MECOM: variants seen among roughly 807,000 people sequenced by gnomAD.
MECOM encodes the protein MDS1 and EVI1 complex locus.
MECOM carries 13 observed loss-of-function variants against 116.3 expected under a neutral mutation model. The observed-to-expected ratio is 0.11, with a 90% CI of 0.07 to 0.18. MECOM has a LOEUF of 0.18. MECOM is among the 10% of genes least tolerant of loss of function. The pLI is 1.00. For synonymous variants in MECOM, 528 were observed against 535.2 expected (o/e 0.99, Z 0.19); for missense variants, 1,299 against 1,509.0 (o/e 0.86, Z 2.31).
At chr3:169,616,204 C>T (rs1226605816) in intron 1 of MECOM, among the ~76,000 whole-genome samples, 3 of 152,136 alleles carry the variant, frequency 2.0e-5, no homozygotes, top group African/African-American at 4.8e-5. Context: ...TGAACTTGTG[C>T]AAAGGAGGCA....
At chr3:169,266,885 G>GAAGGAAAA (rs1354602591) in intron 2 of MECOM, among the ~76,000 whole-genome samples, 1 of 150,176 alleles carries the variant, frequency 6.7e-6, no homozygotes, top group Non-Finnish European at 1.5e-5. Context: ...GAGAGAGAGA[G>GAAGGAAAA]AAGGAAAAAA....
At chr3:169,413,219 G>A (rs886114516) in intron 1 of MECOM, among the ~76,000 whole-genome samples, 2 of 152,196 alleles carry the variant, frequency 1.3e-5, no homozygotes, top group Non-Finnish European at 2.9e-5. Flanking sequence ...CCGAAGCAGG[G>A]TGAGGCATTG....
rs1346319122 is a variant in MECOM at position 169,486,008 on chromosome 3, A to G, written c.38-104484T>C. 5.0e-3 allele frequency among the ~76,000 whole-genome samples: 183 copies of G among 36,478 alleles called. 3 individuals carry two copies. Among genetic ancestry groups the G allele is most frequent in the Admixed American group, 0.01 (38 of 3,640 alleles). 23.9% of individuals were successfully genotyped at this position (36,478 alleles called of 152,430 possible). ...TAGTATATATATGTATATATATACTATATATATATGTATATATAGTATATA... is the reference window on the plus strand; with the variant it reads ...TAGTATATATATGTATATATATACTGTATATATATGTATATATAGTATATA... On this transcript the variant is annotated intron_variant, in intron 1 of 16. Coordinates refer to ENST00000651503, the MANE Select transcript of MECOM (RefSeq NM_004991.4).
intron 1 of MECOM, among the ~76,000 whole-genome samples, chr3:169,661,650 C>T (rs1193061578): frequency 1.3e-5 from 2 of 152,158 alleles, no homozygotes; most frequent in East Asian, 1.9e-4. Flanking sequence ...GACAGCATCT[C>T]GCGGGGCTAC....
At chr3:169,224,683 T>C (rs1752526186) in intron 2 of MECOM, among the ~76,000 whole-genome samples, 1 of 152,254 alleles carries the variant, frequency 6.6e-6, no homozygotes, top group South Asian at 2.1e-4. Flanking sequence ...TCATTGTTTG[T>C]AGTGTGACTT....
At chr3:169,158,445 C>A (rs921604657) in intron 2 of MECOM, among the ~76,000 whole-genome samples, 3 of 152,210 alleles carry the variant, frequency 2.0e-5, no homozygotes, top group African/African-American at 2.4e-5. Context: ...AATGAATGAG[C>A]CTTTACCCAG....
chr3:169,304,968 A>G (rs1717400744), intron 2 of MECOM, among the ~76,000 whole-genome samples: 1 of 152,236 alleles, frequency 6.6e-6, no homozygotes, highest in Admixed American at 6.5e-5. Flanking sequence ...ATTTGTAACG[A>G]TAAGATCTTT....
chr3:169,149,240 C>G (rs1740728684), intron 2 of MECOM, among the ~76,000 whole-genome samples: 1 of 152,108 alleles, frequency 6.6e-6, no homozygotes, highest in African/African-American at 2.4e-5. Flanking sequence ...GCGGCCTGAT[C>G]AGGGGGTCTG....
At chr3:169,349,937 C>T (rs952730024) in intron 2 of MECOM, among the ~76,000 whole-genome samples, 4 of 151,734 alleles carry the variant, frequency 2.6e-5, no homozygotes, top group East Asian at 1.9e-4. Flanking sequence ...AGAGAGATAC[C>T]AAAATAAATT....
chr3:169,235,454 C>A (rs2149532267), intron 2 of MECOM, among the ~76,000 whole-genome samples: 1 of 152,070 alleles, frequency 6.6e-6, no homozygotes, highest in African/African-American at 2.4e-5. Flanking sequence ...CCCAAAGAAC[C>A]ATTTATTGTT....
Position 169,652,598 on chromosome 3 carries a change from G to A in MECOM, c.37+10738C>T, listed in dbSNP as rs937014257. Among the ~76,000 whole-genome samples the A allele has an allele frequency of 3.3e-5, 5 of 152,292 alleles. No homozygotes were observed. In the East Asian group the frequency reaches 9.6e-4, roughly 29 times the overall value. Reference sequence around the variant, plus strand: ...ATGGTTGATTTGTGAAATGACAGATGGGGGTTAGAGGAGTGGGGAGGGGCA... The same window carrying A: ...ATGGTTGATTTGTGAAATGACAGATAGGGGTTAGAGGAGTGGGGAGGGGCA... On this transcript the variant is annotated intron_variant, in intron 1 of 16. Coordinates refer to ENST00000651503, the MANE Select transcript of MECOM (RefSeq NM_004991.4).
chr3:169,178,140 T>A (rs1745448189), intron 2 of MECOM, among the ~76,000 whole-genome samples: 1 of 151,974 alleles, frequency 6.6e-6, no homozygotes, highest in Non-Finnish European at 1.5e-5. Flanking sequence ...CAATAAATAT[T>A]GAAAGAAGGA....
intron 1 of MECOM, among the ~76,000 whole-genome samples, chr3:169,505,967 AT>A (rs1192715534): frequency 6.6e-6 from 1 of 152,142 alleles, no homozygotes; most frequent in Non-Finnish European, 1.5e-5. Context: ...TAACCTGCCA[AT>A]TCTGCCTCCA....
chr3:169,609,495 C>T (rs1339101634), intron 1 of MECOM, among the ~76,000 whole-genome samples: 2 of 151,020 alleles, frequency 1.3e-5, no homozygotes, highest in African/African-American at 4.9e-5. Flanking sequence ...GAAAACATAG[C>T]CCAATTTCCA....
intron 3 of MECOM, 50 bp downstream of exon 3, chr3:169,143,648 G>T: frequency 6.8e-7 from 1 of 1,475,824 alleles, no homozygotes. Context: ...TCAGGCTCCA[G>T]TGATACTTTT....
intron 1 of MECOM, among the ~76,000 whole-genome samples, chr3:169,475,784 A>C (rs1373637706): frequency 2.0e-5 from 3 of 152,162 alleles, no homozygotes; most frequent in Non-Finnish European, 4.4e-5. Flanking sequence ...AGTGGTTTTT[A>C]ACCACCAATA....
intron 2 of MECOM, among the ~76,000 whole-genome samples, chr3:169,199,830 T>C (rs1160412326): frequency 6.6e-6 from 1 of 152,094 alleles, no homozygotes; most frequent in Admixed American, 6.6e-5. Flanking sequence ...TCATGAAACA[T>C]ACACTGTATA....
chr3:169,158,432 G>A (rs1310897718), intron 2 of MECOM, among the ~76,000 whole-genome samples: 2 of 152,124 alleles, frequency 1.3e-5, no homozygotes, highest in African/African-American at 4.8e-5. Context: ...AAGAGGGAGG[G>A]AGAATGAATG....
chr3:169,322,775 A>G (rs569234058), intron 2 of MECOM, among the ~76,000 whole-genome samples: 43 of 152,208 alleles, frequency 2.8e-4, no homozygotes, highest in African/African-American at 1.0e-3. Flanking sequence ...AGTCAGGCAT[A>G]TCACCTGAGG....
Sources: allele counts gnomAD v4.1 joint callset (sites outside exome capture counted in the v4.1 genomes callset), GRCh38; gene constraint gnomAD v4.1.1; transcripts MANE v1.5; gene names NCBI Gene and HGNC (gene_info 2026-07-23, HGNC 2026-07-21).